The following CTNNA2 variants were observed in gnomAD, a reference collection of about 807,000 sequenced individuals.
CTNNA2 encodes the protein catenin alpha-2.
In CTNNA2, 42 loss-of-function variants were observed where a neutral mutation model predicts 101.0. The ratio of observed to expected loss-of-function variants is 0.42; its 90% CI spans 0.32 to 0.54. CTNNA2 has a LOEUF of 0.54. Among genes scored for constraint, CTNNA2 ranks in the 20% least tolerant of loss-of-function variants. The pLI, the probability that CTNNA2 is intolerant of heterozygous loss-of-function variation, is 0.14. For synonymous variants in CTNNA2, 450 were observed against 456.4 expected, an observed-to-expected ratio of 0.99 and a Z score of 0.18; for missense variants, 871 against 1,223.1, an observed-to-expected ratio of 0.71 and a Z score of 4.29.
chr2:79,488,555 A>G (rs1031127675), intron 4 of CTNNA2, among the ~76,000 whole-genome samples: 1 of 152,158 alleles, frequency 6.6e-6, no homozygotes, highest in Admixed American at 6.5e-5. Context: ...TAACTGAGTA[A>G]CTGAGTATCT....
intron 9 of CTNNA2, among the ~76,000 whole-genome samples, chr2:80,497,035 G>A (rs1255734851): frequency 1.3e-5 from 2 of 152,192 alleles, no homozygotes; most frequent in Non-Finnish European, 2.9e-5. Flanking sequence ...TGGTTGTGTT[G>A]AGGATGAAGG....
At chr2:79,592,394 A>G (rs1676921864) in intron 1 of CTNNA2, among the ~76,000 whole-genome samples, 1 of 152,052 alleles carries the variant, frequency 6.6e-6, no homozygotes, top group African/African-American at 2.4e-5. Context: ...GGCCTCCCAA[A>G]GTGCTGGAAC....
At chr2:80,499,749 A>T (rs1031612098) in intron 9 of CTNNA2, among the ~76,000 whole-genome samples, 2 of 152,140 alleles carry the variant, frequency 1.3e-5, no homozygotes, top group Non-Finnish European at 2.9e-5. Context: ...TGAACCTGCG[A>T]GGCAGAGGCT....
At chr2:80,285,268 T>C (rs146335562) in intron 7 of CTNNA2, among the ~76,000 whole-genome samples, 41 of 152,338 alleles carry the variant, frequency 2.7e-4, no homozygotes, top group Admixed American at 3.9e-4. Flanking sequence ...ATCTCTCTTA[T>C]TGAATTTTCA....
intron 6 of CTNNA2, 64 bp from the exon 7 acceptor site, chr2:79,909,530 C>A: frequency 7.3e-7 from 1 of 1,365,966 alleles, no homozygotes. Flanking sequence ...GGTTTCAAAA[C>A]AGGGTGCCAA....
At chr2:80,472,872 T>A (rs929478902) in intron 9 of CTNNA2, among the ~76,000 whole-genome samples, 1 of 152,078 alleles carries the variant, frequency 6.6e-6, no homozygotes, top group Non-Finnish European at 1.5e-5. Flanking sequence ...AGGCCTCCAG[T>A]TATTGTCATT....
At chr2:80,456,452 G>A (rs908948573) in intron 9 of CTNNA2, among the ~76,000 whole-genome samples, 5 of 152,136 alleles carry the variant, frequency 3.3e-5, no homozygotes, top group African/African-American at 7.2e-5. Context: ...TATTGGACGC[G>A]GAGGGAGCAG....
chr2:80,444,073 A>G (rs956952841), intron 9 of CTNNA2, among the ~76,000 whole-genome samples: 7 of 152,208 alleles, frequency 4.6e-5, no homozygotes, highest in African/African-American at 1.7e-4. Flanking sequence ...AATCCTGTGC[A>G]CTTTCTACTC....
intron 13 of CTNNA2, chr2:80,575,035 A>G (rs1327908028): frequency 6.6e-6 from 1 of 152,302 alleles, no homozygotes; most frequent in South Asian, 2.1e-4. Flanking sequence ...ATTTTATTTA[A>G]CTGCTGTATA....
chr2:79,520,976 C>G (rs899818944), intron 1 of CTNNA2, among the ~76,000 whole-genome samples: 22 of 151,654 alleles, frequency 1.5e-4, no homozygotes, highest in Non-Finnish European at 1.3e-4. Flanking sequence ...GAAATGAAAA[C>G]ATATGTACAA....
chr2:79,484,897 G>A lies in CTNNA2; in HGVS notation c.-134-20157G>A, dbSNP rs983588969. On this transcript the variant is annotated intron_variant, in intron 4 of 21. Coordinates refer to the CTNNA2 transcript ENST00000466387. Reference sequence around the variant, plus strand: ...CTCCTAATGAGGACAGAAATTTCTTGTCCAAATTTCCTGTGCTATCTCTAC... The same window carrying A: ...CTCCTAATGAGGACAGAAATTTCTTATCCAAATTTCCTGTGCTATCTCTAC... 3.9e-5 allele frequency among the ~76,000 whole-genome samples: 6 copies of A among 152,106 alleles called. No homozygotes were observed. The South Asian group carries it at 1.2e-3, about 31-fold the overall frequency.
rs1553386818 is a variant in CTNNA2 at position 80,558,486 on chromosome 2, G to GTGTA, written c.1741+2594_1741+2595insGTAT. On this transcript the variant is annotated intron_variant, in intron 12 of 18. Coordinates refer to ENST00000402739, the MANE Select transcript of CTNNA2 (RefSeq NM_001282597.3). ...TATATGTGTGTGTGTGTGTGTGTGT[G>GTGTA]TATATATATATGTTGTCTAAAGTGA... is the stretch of plus-strand genomic sequence containing the variant. Among the ~76,000 whole-genome samples, 362 of 61,734 alleles carry GTGTA rather than the reference G, an allele frequency of 5.9e-3. 2 individuals carry two copies. Among genetic ancestry groups the GTGTA allele is most frequent in the African/African-American group, 0.011 (326 of 30,530 alleles). 40.5% of individuals were successfully genotyped at this position (61,734 alleles called of 152,430 possible).
chr2:79,327,995 C>T (rs1573082331), intron 3 of CTNNA2, among the ~76,000 whole-genome samples: 1 of 151,882 alleles, frequency 6.6e-6, no homozygotes, highest in East Asian at 1.9e-4. Context: ...GGAAGAAAGG[C>T]CTAAGGAAAC....
intron 12 of CTNNA2, among the ~76,000 whole-genome samples, chr2:80,568,603 A>T (rs1174653688): frequency 6.8e-6 from 1 of 148,058 alleles, no homozygotes; most frequent in Non-Finnish European, 1.5e-5. Flanking sequence ...GTGTGAGATT[A>T]GGATGCTATA....
At chr2:80,612,236 C>CT (rs1336439025) in intron 17 of CTNNA2, among the ~76,000 whole-genome samples, 1 of 151,482 alleles carries the variant, frequency 6.6e-6, no homozygotes, top group Non-Finnish European at 1.5e-5. Flanking sequence ...AGATTGGAGA[C>CT]TGAGGGGTCA....
intron 7 of CTNNA2, among the ~76,000 whole-genome samples, chr2:80,043,103 CTCTCTCTCTT>C (rs1281464588): frequency 9.2e-5 from 6 of 65,256 alleles, no homozygotes; most frequent in Non-Finnish European, 1.5e-4. Context: ...TTCTCTCTCT[CTCTCTCTCTT>C]TCTTTCTCCT....
intron 2 of CTNNA2, among the ~76,000 whole-genome samples, chr2:79,243,358 T>C (rs1674659379): frequency 6.6e-6 from 1 of 152,148 alleles, no homozygotes. Flanking sequence ...TGTTTTACTA[T>C]AGAGGGCATA....
intron 7 of CTNNA2, among the ~76,000 whole-genome samples, chr2:80,373,877 A>G (rs896085723): frequency 6.6e-6 from 1 of 152,140 alleles, no homozygotes; most frequent in African/African-American, 2.4e-5. Context: ...GAATTCACAC[A>G]AGAGATTTCT....
At chr2:79,290,678 G>A (rs1223666329) in intron 2 of CTNNA2, among the ~76,000 whole-genome samples, 1 of 152,122 alleles carries the variant, frequency 6.6e-6, no homozygotes, top group Non-Finnish European at 1.5e-5. Context: ...GCCATCAACC[G>A]GAGGAACGAC....
Sources: gnomAD v4.1 joint callset for allele counts (sites outside exome capture counted in the v4.1 genomes callset) on GRCh38, gnomAD v4.1.1 for gene constraint, MANE v1.5 for transcripts, NCBI Gene and HGNC (gene_info 2026-07-23, HGNC 2026-07-21) for gene names.